Variants in SLC38A11 observed in about 807,000 individuals in gnomAD.
The protein encoded by SLC38A11 is putative sodium-coupled neutral amino acid transporter 11.
SLC38A11 carries 51 observed loss-of-function variants against 49.4 expected under a neutral mutation model. That is an observed-to-expected ratio of 1.03 (90% CI 0.83 to 1.30). The LOEUF (loss-of-function observed/expected upper bound fraction) is 1.30. SLC38A11 is among the 50% of genes most tolerant of loss of function. The pLI, the probability that SLC38A11 is intolerant of heterozygous loss-of-function variation, is 0.00. For synonymous variants in SLC38A11, 203 were observed against 192.9 expected (o/e 1.05, Z -0.43); for missense variants, 574 against 556.2 (o/e 1.03, Z -0.32).
rs73970935 is a variant in SLC38A11, at chr2:164,947,653, A to T, written c.230-1926T>A. ...ATTCTAATTTGGTTATTGGTTCTGG[A>T]ATTTGATTCTCTATCCATATTTCTC... On this transcript the variant is annotated intron_variant, in intron 3 of 11. Transcript: ENST00000685975. 2.8e-3 allele frequency among the ~76,000 whole-genome samples: 424 copies of T among 152,298 alleles called. 4 individuals carry two copies. Among genetic ancestry groups the T allele is most frequent in the African/African-American group, 9.7e-3 (402 of 41,562 alleles).
chr2:164,908,584 C>T, intron 11 of SLC38A11, 56 bp downstream of exon 11: 5 of 1,410,546 alleles, frequency 3.5e-6, no homozygotes, highest in Non-Finnish European at 4.7e-6. Context: ...TAAATGTAAT[C>T]ATTATCTTTT....
chr2:164,945,829 CATTTA>C (rs1277058920), intron 3 of SLC38A11, 102 bp from the exon 4 acceptor site: 2 of 1,340,068 alleles, frequency 1.5e-6, no homozygotes, highest in Admixed American at 2.4e-5. Flanking sequence ...TTTAAAGAAG[CATTTA>C]ATTTAATGCT....
intron 7 of SLC38A11, among the ~76,000 whole-genome samples, chr2:164,926,935 C>T (rs1331640167): frequency 4.6e-5 from 7 of 151,426 alleles, no homozygotes; most frequent in Admixed American, 2.6e-4. Flanking sequence ...ATGGGTGCAG[C>T]ACACCAACAT....
At chr2:164,950,492 C>T (rs900598846) in intron 3 of SLC38A11, among the ~76,000 whole-genome samples, 101 of 152,230 alleles carry the variant, frequency 6.6e-4, no homozygotes, top group African/African-American at 2.4e-3. Context: ...AATATATTCC[C>T]TTAAAAGTTT....
Position 164,954,748 on chromosome 2 carries a change from A to C in SLC38A11, c.40-3T>G. 7.1e-7 allele frequency: 1 copy of C among 1,414,858 alleles called. No homozygotes were observed. The highest frequency in any genetic ancestry group is 2.5e-5 in the East Asian group (1 of 39,840). The allele number at this position is 1,414,858 out of a possible 1,614,324, so 87.6% of individuals were successfully genotyped here. On this transcript the variant is annotated splice_polypyrimidine_tract_variant and splice_region_variant and intron_variant, in intron 1 of 11. Transcript: ENST00000685975. ...GTTTCTCTGTCATCTAAATCTCTCT[A>C]ATAGATAAAATAGCAATTATAAGCA...
chr2:164,947,636 T>C (rs1419750541), intron 3 of SLC38A11, among the ~76,000 whole-genome samples: 27 of 152,212 alleles, frequency 1.8e-4, no homozygotes, highest in Admixed American at 1.7e-3. Context: ...AAATTCTAAT[T>C]TGGTTATTGG....
chr2:164,908,607 A>C, intron 11 of SLC38A11, 33 bp downstream of exon 11: 1 of 1,462,216 alleles, frequency 6.8e-7, no homozygotes, highest in African/African-American at 1.4e-5. Flanking sequence ...AGAGAATTTT[A>C]GAGTGAAGGG....
At chr2:164,948,540 A>C (rs1688295445) in intron 3 of SLC38A11, among the ~76,000 whole-genome samples, 1 of 152,214 alleles carries the variant, frequency 6.6e-6, no homozygotes, top group South Asian at 2.1e-4. Flanking sequence ...TGGCCTCAGA[A>C]TCCATGAGCT....
intron 7 of SLC38A11, among the ~76,000 whole-genome samples, chr2:164,932,271 C>A (rs1687059255): frequency 6.6e-6 from 1 of 151,846 alleles, no homozygotes. Context: ...CAGCTGCTGG[C>A]AAGATTGCAG....
At chr2:164,924,427 AT>A (rs1686424555) in intron 7 of SLC38A11, among the ~76,000 whole-genome samples, 1 of 152,162 alleles carries the variant, frequency 6.6e-6, no homozygotes, top group African/African-American at 2.4e-5. Context: ...AGGTGACTGG[AT>A]CACTTGTACT....
chr2:164,933,668 T>G (rs1170348959), intron 7 of SLC38A11, among the ~76,000 whole-genome samples: 3 of 152,132 alleles, frequency 2.0e-5, no homozygotes, highest in Admixed American at 2.0e-4. Flanking sequence ...ACAGGTTTTC[T>G]GATCATTCAT....
chr2:164,947,117 CTTTTTTTTTTTTTTTTTTT>C lies in SLC38A11; in HGVS notation c.230-1409_230-1391del, dbSNP rs200284770. ...CCTGGATTCTTGGACTTTTTTATCT[CTTTTTTTTTTTTTTTTTTT>C]TTTTTTTTTTTTTGAGATAGAGTCT... On this transcript the variant is annotated intron_variant, in intron 3 of 11. Coordinates refer to ENST00000685975, the MANE Select transcript of SLC38A11 (RefSeq NM_001351537.2). 3.0e-4 allele frequency among the ~76,000 whole-genome samples: 22 copies of C among 72,912 alleles called. 1 individual carries two copies. Among genetic ancestry groups the C allele is most frequent in the Admixed American group, 1.2e-3 (9 of 7,514 alleles). The allele number at this position is 72,912 out of a possible 152,430, so 47.8% of individuals were successfully genotyped here.
At position 164,915,155 on chromosome 2, in the gene SLC38A11, G is replaced by C. The variant is rs776585337; in HGVS notation, c.807C>G (p.Phe269Leu). 9.9e-6 allele frequency: 16 copies of C among 1,611,410 alleles called. No individual in the cohort carries two copies. In the East Asian group the frequency reaches 1.3e-4, roughly 13 times the overall value. Residue 269 changes from phenylalanine to leucine, a missense_variant, in exon 9 of 12, where the codon TTC (phenylalanine) becomes TTG (leucine). Coordinates refer to ENST00000685975, the MANE Select transcript of SLC38A11 (RefSeq NM_001351537.2). ...ATGTCAAGTATCCACATGTAGCAAA[G>C]AATATACAGATAAATACAGAAATCA... The part of the protein sequence containing the change: ...SIVISVFICI[F>L]FATCGYLTFT...
At chr2:164,911,777 T>G in intron 9 of SLC38A11, 29 bp from the exon 10 acceptor site, 1 of 1,259,056 alleles carries the variant, frequency 7.9e-7, no homozygotes, top group Non-Finnish European at 1.1e-6. Flanking sequence ...TAAGTTTATT[T>G]ACTAGATACT....
chr2:164,904,877 T>A (rs1476132522), intron 11 of SLC38A11, among the ~76,000 whole-genome samples: 1 of 152,136 alleles, frequency 6.6e-6, no homozygotes, highest in Non-Finnish European at 1.5e-5. Context: ...TTTAAAATCT[T>A]ATGCTTAGGA....
rs2105527880 is a variant in SLC38A11, at chr2:164,955,495, T to A, written c.-248A>T. ...TTCGCCCAGACAAATGTATTTTTCCTCCGGAGACGGAGATGCTGCAGGATG... is the reference window on the plus strand; with the variant it reads ...TTCGCCCAGACAAATGTATTTTTCCACCGGAGACGGAGATGCTGCAGGATG... On this transcript the variant is annotated 5_prime_UTR_variant, in exon 1 of 12. Coordinates refer to ENST00000685975, the MANE Select transcript of SLC38A11 (RefSeq NM_001351537.2). The A allele has an allele frequency of 1.9e-6, 1 of 536,188 alleles. No homozygotes were observed. The highest frequency in any genetic ancestry group is 3.4e-5 in the Admixed American group (1 of 29,506). The allele number at this position is 536,188 out of a possible 1,614,324, so 33.2% of individuals were successfully genotyped here. A position where few individuals can be genotyped will look rare whatever the true frequency, so the allele number is the denominator to read the frequency against.
At chr2:164,952,813 A>G (rs902559755) in intron 2 of SLC38A11, 32 bp from the exon 3 acceptor site, 2 of 1,519,864 alleles carry the variant, frequency 1.3e-6, no homozygotes, top group Non-Finnish European at 1.8e-6. Flanking sequence ...CACCCTTCAC[A>G]TTAACAAGAA....
At chr2:164,926,443 T>C (rs764474175) in intron 7 of SLC38A11, among the ~76,000 whole-genome samples, 2 of 152,206 alleles carry the variant, frequency 1.3e-5, no homozygotes, top group Admixed American at 6.5e-5. Context: ...GTGGGTGCTA[T>C]GGTTTAAATG....
intron 9 of SLC38A11, among the ~76,000 whole-genome samples, chr2:164,914,667 A>C (rs1054114222): frequency 6.6e-6 from 1 of 151,936 alleles, no homozygotes; most frequent in East Asian, 1.9e-4. Flanking sequence ...CAGAAAAAAA[A>C]TTAACAGAGA....
Sources: allele counts gnomAD v4.1 joint callset (sites outside exome capture counted in the v4.1 genomes callset), GRCh38; gene constraint gnomAD v4.1.1; transcripts MANE v1.5; gene names NCBI Gene and HGNC (gene_info 2026-07-23, HGNC 2026-07-21).